DLC1: variants seen among roughly 807,000 people sequenced by gnomAD.
DLC1 encodes DLC1 Rho GTPase activating protein.
In DLC1, 54 loss-of-function variants were observed where a neutral mutation model predicts 140.3. The ratio of observed to expected loss-of-function variants is 0.38; its 90% CI spans 0.31 to 0.48. The LOEUF (loss-of-function observed/expected upper bound fraction) is 0.48. Ranked by LOEUF, DLC1 falls within the 20% of genes least tolerant of loss-of-function variation. The pLI is 0.96. For missense variants in DLC1, 2,536 were observed against 1,907.0 expected, an observed-to-expected ratio of 1.33 and a Z score of -6.14; for synonymous variants, 986 against 728.1, an observed-to-expected ratio of 1.35 and a Z score of -5.70.
At chr8:13,521,042 C>G (rs928741728) in intron 1 of DLC1, among the ~76,000 whole-genome samples, 1 of 152,014 alleles carries the variant, frequency 6.6e-6, no homozygotes, top group Admixed American at 6.6e-5. Flanking sequence ...AAAACGTGGT[C>G]CATATACACC....
chr8:13,267,093 C>T (rs1830717645), intron 5 of DLC1, among the ~76,000 whole-genome samples: 1 of 152,166 alleles, frequency 6.6e-6, no homozygotes, highest in African/African-American at 2.4e-5. Context: ...CTTCTTGTAA[C>T]AGCACAAAAG....
At chr8:13,506,872 G>A (rs530596453) in intron 1 of DLC1, among the ~76,000 whole-genome samples, 1 of 152,066 alleles carries the variant, frequency 6.6e-6, no homozygotes, top group African/African-American at 2.4e-5. Context: ...CGTGGTGAGG[G>A]TCACCTTAGT....
Position 13,133,295 on chromosome 8 carries a change from C to T in DLC1, c.1349-17638G>A, listed in dbSNP as rs1020751534. ...TCGGGCAGTCGGAGCGAACTGTCTC[C>T]CGCGCGCTCCGCCAGCCGGGCCCTC... On this transcript the variant is annotated intron_variant, in intron 5 of 17. Coordinates refer to ENST00000276297, the MANE Select transcript of DLC1 (RefSeq NM_182643.3). 7 of 1,261,836 alleles carry T rather than the reference C, an allele frequency of 5.5e-6. No homozygotes were observed. In the African/African-American group the frequency reaches 1.1e-4, roughly 20 times the overall value. 78.2% of individuals were successfully genotyped at this position (1,261,836 alleles called of 1,614,324 possible).
chr8:13,439,839 C>T (rs1004598496), intron 2 of DLC1, among the ~76,000 whole-genome samples: 3 of 152,146 alleles, frequency 2.0e-5, no homozygotes, highest in African/African-American at 7.2e-5. Context: ...TCCTTCACTA[C>T]TCATCTGTGA....
intron 1 of DLC1, among the ~76,000 whole-genome samples, chr8:13,600,725 T>G (rs968682320): frequency 1.3e-5 from 2 of 151,872 alleles, no homozygotes; most frequent in African/African-American, 4.8e-5. Context: ...AGTAAATCTT[T>G]TTTTTTAGCA....
chr8:13,338,402 G>A (rs559053030), intron 4 of DLC1, among the ~76,000 whole-genome samples: 1 of 152,286 alleles, frequency 6.6e-6, no homozygotes, highest in African/African-American at 2.4e-5. Context: ...AAGAGTTGCT[G>A]CATTGGGCCC....
intron 2 of DLC1, among the ~76,000 whole-genome samples, chr8:13,466,300 G>T (rs570345894): frequency 9.2e-5 from 14 of 152,276 alleles, no homozygotes; most frequent in African/African-American, 3.4e-4. Flanking sequence ...CTTCCTGTTG[G>T]CCCTGCAAGG....
rs116361523 is a variant in DLC1, at chr8:13,480,968, G to C, written c.1023+18081C>G. On this transcript the variant is annotated intron_variant, in intron 2 of 17. Transcript: ENST00000276297. ...TGAGCTGCAGTGTAGAATATGGATT[G>C]AAAGGGGTTAGGACCAAAGGCCAAG... 5.5e-3 allele frequency among the ~76,000 whole-genome samples: 837 copies of C among 152,212 alleles called. 4 individuals carry two copies. The highest frequency in any genetic ancestry group is 0.019 in the African/African-American group (782 of 41,522).
chr8:13,218,922 ATAATTACG>A, intron 5 of DLC1, among the ~76,000 whole-genome samples: 1 of 128,724 alleles, frequency 7.8e-6, no homozygotes, highest in African/African-American at 3.1e-5. Context: ...ATATAATTAT[ATAATTACG>A]TACGAATATG....
At chr8:13,584,480 T>C (rs1393189169) in intron 1 of DLC1, 1 of 152,356 alleles carries the variant, frequency 6.6e-6, no homozygotes, top group East Asian at 1.9e-4. Flanking sequence ...GACCACATTT[T>C]GTAATTGTCA....
At chr8:13,267,172 C>T (rs527804958) in intron 5 of DLC1, among the ~76,000 whole-genome samples, 2 of 152,292 alleles carry the variant, frequency 1.3e-5, no homozygotes, top group South Asian at 4.1e-4. Context: ...CATTAGTGTC[C>T]AAAGACGGTC....
chr8:13,436,833 A>C (rs1286306265), intron 2 of DLC1, among the ~76,000 whole-genome samples: 1 of 152,198 alleles, frequency 6.6e-6, no homozygotes, highest in Non-Finnish European at 1.5e-5. Flanking sequence ...ATATTTGACT[A>C]CTGGGTGCTC....
In DLC1 at chr8:13,537,944, G is replaced by A. The variant is rs141468465; in HGVS notation, c.-125-37748C>T. On this transcript the variant is annotated intron_variant, in intron 1 of 1. Transcript: ENST00000631382. ...TCTGGGATTACAGGCGTGAGCCACC[G>A]CACCCGGCCAGCAACAGCTAACTCT... Among the ~76,000 whole-genome samples the A allele has an allele frequency of 7.4e-4, 113 of 152,118 alleles. 1 individual carries two copies. In the East Asian group the frequency reaches 0.018, roughly 24 times the overall value.
At chr8:13,439,362 G>T (rs559506552) in intron 2 of DLC1, among the ~76,000 whole-genome samples, 1 of 152,140 alleles carries the variant, frequency 6.6e-6, no homozygotes, top group South Asian at 2.1e-4. Context: ...GCAGAGGGTC[G>T]ATTTGGCCCA....
chr8:13,490,052 C>G (rs77958426), intron 2 of DLC1, among the ~76,000 whole-genome samples: 11,554 of 150,814 alleles, frequency 0.077, 648 homozygotes, highest in East Asian at 0.23. Flanking sequence ...GTTAAATACA[C>G]CCCCCACTTT....
At chr8:13,223,125 T>C (rs1408340844) in intron 5 of DLC1, among the ~76,000 whole-genome samples, 3 of 152,164 alleles carry the variant, frequency 2.0e-5, no homozygotes, top group African/African-American at 7.2e-5. Flanking sequence ...TAAATATTTG[T>C]GCCTCAATAT....
At chr8:13,505,886 T>A (rs1191336462) in intron 1 of DLC1, among the ~76,000 whole-genome samples, 1 of 152,182 alleles carries the variant, frequency 6.6e-6, no homozygotes, top group South Asian at 2.1e-4. Flanking sequence ...AAATAACATA[T>A]AAATAGCATT....
rs187923391 is a variant in DLC1 at position 13,183,228 on chromosome 8, G to C, written c.1349-67571C>G. Among the ~76,000 whole-genome samples, 6 of 152,190 alleles carry C rather than the reference G, an allele frequency of 3.9e-5. No homozygotes were observed. In the East Asian group the frequency reaches 9.7e-4, roughly 25 times the overall value. Reference sequence around the variant, plus strand: ...AGGAGATTTGGGGCTGAGATGATGGGGTTTTCTAAATATACAATCATGTCA... The same window carrying C: ...AGGAGATTTGGGGCTGAGATGATGGCGTTTTCTAAATATACAATCATGTCA... On this transcript the variant is annotated intron_variant, in intron 5 of 17. Coordinates refer to ENST00000276297, the MANE Select transcript of DLC1 (RefSeq NM_182643.3).
chr8:13,221,895 T>C (rs993245011), intron 5 of DLC1, among the ~76,000 whole-genome samples: 1 of 142,976 alleles, frequency 7.0e-6, no homozygotes, highest in Non-Finnish European at 1.5e-5. Flanking sequence ...TATATAATTA[T>C]ATATTAAAAT....
Sources: allele counts gnomAD v4.1 joint callset (sites outside exome capture counted in the v4.1 genomes callset), GRCh38; gene constraint gnomAD v4.1.1; transcripts MANE v1.5; gene names NCBI Gene and HGNC (gene_info 2026-07-23, HGNC 2026-07-21).